CIB2: variants seen among roughly 807,000 people sequenced by gnomAD.
CIB2 encodes calcium and integrin binding family member 2.
A neutral mutation model predicts 23.1 loss-of-function variants in CIB2; 19 were observed. The observed-to-expected ratio is 0.82, with a 90% CI of 0.57 to 1.21. The LOEUF is 1.21. Among genes scored for constraint, CIB2 ranks in the 50% most tolerant of loss-of-function variants. CIB2 has a pLI of 0.00. For missense variants in CIB2, 220 were observed against 241.5 expected, an observed-to-expected ratio of 0.91 and a Z score of 0.59; for synonymous variants, 94 against 91.7, an observed-to-expected ratio of 1.03 and a Z score of -0.14.
intron 2 of CIB2, 131 bp from the exon 3 acceptor site, chr15:78,111,407 A>G (rs1567051775): frequency 1.5e-6 from 1 of 674,178 alleles, no homozygotes; most frequent in East Asian, 2.8e-5. Context: ...GGCCAATGGG[A>G]GGCTCTCTGC....
chr15:78,112,108 AC>A (rs2074168758), intron 2 of CIB2, among the ~76,000 whole-genome samples: 1 of 152,008 alleles, frequency 6.6e-6, no homozygotes, highest in Non-Finnish European at 1.5e-5. Context: ...AGCTGCATGG[AC>A]CCTCAAAGGT....
At position 78,104,628 on chromosome 15, in the gene CIB2, T is replaced by C. The variant is rs2074038172; in HGVS notation, c.*683A>G. ...AGGTACCCTCAAACATTTCCTAACATTAGCATACATGGAGAGCAAAGGGAT... is the reference window on the plus strand; with the variant it reads ...AGGTACCCTCAAACATTTCCTAACACTAGCATACATGGAGAGCAAAGGGAT... On this transcript the variant is annotated 3_prime_UTR_variant, in exon 6 of 6. Transcript: ENST00000258930. This position sits in a 1 kb window ranked among gnomAD's most constrained non-coding sequence, Gnocchi z 4.4. 1 of 152,658 alleles carries C rather than the reference T, an allele frequency of 6.6e-6. No homozygotes were observed. Among genetic ancestry groups the C allele is most frequent in the Admixed American group, 6.5e-5 (1 of 15,282 alleles). The allele number at this position is 152,658 out of a possible 1,614,324, so 9.5% of individuals were successfully genotyped here. A position where few individuals can be genotyped will look rare whatever the true frequency, so the allele number is the denominator to read the frequency against.
At chr15:78,112,235 A>C (rs1372345365) in intron 2 of CIB2, among the ~76,000 whole-genome samples, 1 of 152,122 alleles carries the variant, frequency 6.6e-6, no homozygotes, top group East Asian at 1.9e-4. Flanking sequence ...ATCCCAGAGA[A>C]TAGCCCCCCA....
intron 3 of CIB2, 130 bp downstream of exon 3, chr15:78,111,035 A>C (rs751512423): frequency 5.2e-6 from 4 of 762,888 alleles, no homozygotes; most frequent in Non-Finnish European, 9.3e-6. Flanking sequence ...AGGCACAGAG[A>C]GGTTCTGTGA....
Position 78,108,395 on chromosome 15 carries a change from G to A in CIB2, c.346+840C>T, listed in dbSNP as rs1596347735. ...GGCATCTCAACTGAGGTCTATCTGA[G>A]GATTTGACACCAGTCCCCATGGGTC... is the stretch of plus-strand genomic sequence containing the variant. On this transcript the variant is annotated intron_variant, in intron 4 of 5. Coordinates refer to ENST00000258930, the MANE Select transcript of CIB2 (RefSeq NM_006383.4). Among the ~76,000 whole-genome samples the A allele has an allele frequency of 2.6e-5, 4 of 152,206 alleles. No individual in the cohort carries two copies. The East Asian group carries it at 7.7e-4, about 29-fold the overall frequency.
chr15:78,117,780 TGC>T (rs1211091615), intron 2 of CIB2, among the ~76,000 whole-genome samples: 1 of 152,228 alleles, frequency 6.6e-6, no homozygotes, highest in Non-Finnish European at 1.5e-5. Flanking sequence ...TTATTTACAG[TGC>T]ATGCTGGCCC....
intron 5 of CIB2, 58 bp downstream of exon 5, chr15:78,105,681 A>G (rs761147936): frequency 6.2e-7 from 1 of 1,610,702 alleles, no homozygotes; most frequent in Non-Finnish European, 8.5e-7. Context: ...CCTCAGCCCC[A>G]ACATCCCGGC....
At chr15:78,125,687 T>C (rs935256023) in intron 1 of CIB2, among the ~76,000 whole-genome samples, 1 of 152,010 alleles carries the variant, frequency 6.6e-6, no homozygotes, top group Non-Finnish European at 1.5e-5. Flanking sequence ...GTGGGTGGGG[T>C]CCAGGGATCT....
chr15:78,121,347 C>T (rs888406648), intron 2 of CIB2, among the ~76,000 whole-genome samples: 1 of 152,136 alleles, frequency 6.6e-6, no homozygotes. Flanking sequence ...GGTCCTGATG[C>T]GTGCAGAGGG....
chr15:78,114,084 G>C (rs1245873814), intron 2 of CIB2, among the ~76,000 whole-genome samples: 1 of 152,142 alleles, frequency 6.6e-6, no homozygotes, highest in African/African-American at 2.4e-5. Context: ...AGTAAAGCAG[G>C]GGCTATTCTA....
chr15:78,127,621 GGGTGACTTGTTCCA>G (rs1221655685), intron 1 of CIB2, among the ~76,000 whole-genome samples: 3 of 152,126 alleles, frequency 2.0e-5, no homozygotes, highest in Admixed American at 6.5e-5. Context: ...CTCAACTCAA[GGGTGACTTGTTCCA>G]GGTAACCCAC....
At chr15:78,111,103 G>T (rs1398121147) in intron 3 of CIB2, 62 bp downstream of exon 3, 8 of 1,402,410 alleles carry the variant, frequency 5.7e-6, no homozygotes, top group Admixed American at 3.4e-5. Flanking sequence ...AGACCTGGGG[G>T]CCTCTGCTGC....
chr15:78,108,707 A>G (rs1031497266), intron 4 of CIB2, among the ~76,000 whole-genome samples: 1 of 152,122 alleles, frequency 6.6e-6, no homozygotes, highest in Non-Finnish European at 1.5e-5. Flanking sequence ...ATCCTTCTAG[A>G]AAACAGAGCT....
chr15:78,120,622 G>A (rs778743772), intron 2 of CIB2: 19 of 985,232 alleles, frequency 1.9e-5, no homozygotes, highest in Middle Eastern at 5.2e-4. Context: ...CCTCAATGTG[G>A]GAATGCAGGA....
intron 1 of CIB2, among the ~76,000 whole-genome samples, 190 bp from the exon 2 acceptor site, chr15:78,123,929 CA>C (rs1392605240): frequency 2.0e-5 from 3 of 152,194 alleles, no homozygotes; most frequent in Non-Finnish European, 4.4e-5. Context: ...AAATGCCTCC[CA>C]AAACCTTTAT....
At chr15:78,113,752 A>G (rs1488428516) in intron 2 of CIB2, among the ~76,000 whole-genome samples, 2 of 152,056 alleles carry the variant, frequency 1.3e-5, no homozygotes, top group African/African-American at 4.8e-5. Context: ...GGATGGTCTC[A>G]ATCTCCTGAC....
In CIB2 at chr15:78,105,118, G is replaced by A. The variant is rs975537259; in HGVS notation, c.*193C>T. On this transcript the variant is annotated 3_prime_UTR_variant, in exon 6 of 6. Transcript: ENST00000258930. ...CCCGGGGCTGGACCACAGCGGGGCT[G>A]TGGGAAGGGTCCTAACCTTCACAGG... The A allele has an allele frequency of 5.5e-6, 4 of 724,664 alleles. No homozygotes were observed. Among genetic ancestry groups the A allele is most frequent in the African/African-American group, 5.4e-5 (3 of 55,930 alleles). The allele number at this position is 724,664 out of a possible 1,614,324, so 44.9% of individuals were successfully genotyped here.
At chr15:78,124,483 G>A (rs539321226) in intron 1 of CIB2, among the ~76,000 whole-genome samples, 1 of 152,224 alleles carries the variant, frequency 6.6e-6, no homozygotes, top group African/African-American at 2.4e-5. Context: ...TCCTGTCTTT[G>A]TTTAGATGAA....
chr15:78,127,788 G>A (rs1317394909), intron 1 of CIB2, among the ~76,000 whole-genome samples: 3 of 152,168 alleles, frequency 2.0e-5, no homozygotes, highest in South Asian at 4.1e-4. Flanking sequence ...ACCATCACAC[G>A]GCTCAAGGTC....
Sources: allele counts gnomAD v4.1 joint callset (sites outside exome capture counted in the v4.1 genomes callset), GRCh38; gene constraint gnomAD v4.1.1; non-coding constraint Gnocchi (gnomAD v3.1); transcripts MANE v1.5; gene names NCBI Gene and HGNC (gene_info 2026-07-23, HGNC 2026-07-21).